Variants in SH3GL1 observed in about 807,000 individuals in gnomAD.
SH3GL1 encodes SH3 domain containing GRB2 like 1, endophilin A2, also known as endophilin-A2.
A neutral mutation model predicts 48.8 loss-of-function variants in SH3GL1; 21 were observed. The ratio of observed to expected loss-of-function variants is 0.43; its 90% confidence interval spans 0.30 to 0.62. The LOEUF (loss-of-function observed/expected upper bound fraction) is 0.62. Ranked by LOEUF, SH3GL1 falls within the 20% of genes least tolerant of loss-of-function variation. The pLI, the probability that SH3GL1 is intolerant of heterozygous loss-of-function variation, is 0.11. For synonymous variants in SH3GL1, 282 were observed against 217.5 expected, an observed-to-expected ratio of 1.30 and a Z score of -2.61; for missense variants, 454 against 503.0, an observed-to-expected ratio of 0.90 and a Z score of 0.93.
At chr19:4,399,463 A>AGAAGGAAGGAAG (rs367741466) in intron 1 of SH3GL1, among the ~76,000 whole-genome samples, 1 of 151,768 alleles carries the variant, frequency 6.6e-6, no homozygotes, top group Non-Finnish European at 1.5e-5. Context: ...AAGGAAGGAA[A>AGAAGGAAGGAAG]GAAGGAAGGA....
chr19:4,392,977 C>T (rs918493818), intron 1 of SH3GL1, among the ~76,000 whole-genome samples: 4 of 152,018 alleles, frequency 2.6e-5, no homozygotes, highest in Admixed American at 1.3e-4. Context: ...ATCATAACAA[C>T]CCGGGCGTGG....
intron 1 of SH3GL1, among the ~76,000 whole-genome samples, chr19:4,381,255 T>TGTCTCCCATCTCTCTCTGTCCCCTCTGC (rs1973120052): frequency 2.0e-5 from 1 of 49,778 alleles, no homozygotes; most frequent in Non-Finnish European, 5.0e-5. Context: ...CCTCTGCCTC[T>TGTCTCCCATCTCTCTCTGTCCCCTCTGC]CTCTGTCCCC....
intron 8 of SH3GL1, 66 bp from the exon 9 acceptor site, chr19:4,362,451 G>A: frequency 6.3e-7 from 1 of 1,578,372 alleles, no homozygotes; most frequent in Middle Eastern, 1.7e-4. Context: ...TTCTGCAGAA[G>A]GCTGGGGCCA....
chr19:4,360,581 A>G lies in SH3GL1; in HGVS notation c.*1019T>C, dbSNP rs1390809683. 3 of 232,200 alleles carry G rather than the reference A, an allele frequency of 1.3e-5. No homozygotes were observed. The highest frequency in any genetic ancestry group is 2.5e-5 in the Non-Finnish European group (3 of 117,776). 14.4% of individuals were successfully genotyped at this position (232,200 alleles called of 1,614,324 possible). A position where few individuals can be genotyped will look rare whatever the true frequency, so the allele number is the denominator to read the frequency against. Reference sequence around the variant, plus strand: ...ATGTGAATGTGGCCTGGCCCAGAGAACTCCCCATTTCATCGATTTTGCATT... The same window carrying G: ...ATGTGAATGTGGCCTGGCCCAGAGAGCTCCCCATTTCATCGATTTTGCATT... On this transcript the variant is annotated 3_prime_UTR_variant, in exon 10 of 10. Coordinates refer to ENST00000269886, the MANE Select transcript of SH3GL1 (RefSeq NM_003025.4).
chr19:4,369,727 C>T (rs765138224), intron 1 of SH3GL1, among the ~76,000 whole-genome samples: 6 of 152,250 alleles, frequency 3.9e-5, no homozygotes, highest in Admixed American at 2.6e-4. Context: ...CCTGACTCCT[C>T]GCACCCCTGA....
Position 4,363,486 on chromosome 19 carries a change from T to A in SH3GL1, c.625-13A>T. On this transcript the variant is annotated splice_polypyrimidine_tract_variant and intron_variant, in intron 6 of 9. Coordinates refer to ENST00000269886, the MANE Select transcript of SH3GL1 (RefSeq NM_003025.4). ...TCACCTGCTCGATCTGTGGGGACAG[T>A]AGGGCTCAGGGGCTCCTGCCAGTGC... The A allele has an allele frequency of 6.2e-7, 1 of 1,606,916 alleles. No individual in the cohort carries two copies. Among genetic ancestry groups the A allele is most frequent in the Non-Finnish European group, 8.5e-7 (1 of 1,175,814 alleles).
In SH3GL1 at chr19:4,367,310, C is replaced by T. The variant is rs751938791; in HGVS notation, c.46-316G>A. Among the ~76,000 whole-genome samples the T allele has an allele frequency of 1.3e-5, 2 of 152,210 alleles. No individual in the cohort carries two copies. The highest frequency in any genetic ancestry group is 2.9e-5 in the Non-Finnish European group (2 of 68,030). Reference sequence around the variant, plus strand: ...TGGGCCACGGTGGAGTCCAGAGCCTCAGCCTGAGAACACATGGCTCAGAAG... The same window carrying T: ...TGGGCCACGGTGGAGTCCAGAGCCTTAGCCTGAGAACACATGGCTCAGAAG... On this transcript the variant is annotated intron_variant, in intron 1 of 9. Coordinates refer to ENST00000269886, the MANE Select transcript of SH3GL1 (RefSeq NM_003025.4). This position sits in a 1 kb window ranked among gnomAD's most constrained non-coding sequence, Gnocchi z 4.2.
At chr19:4,363,508 G>A (rs779841962) in intron 6 of SH3GL1, 35 bp from the exon 7 acceptor site, 339 of 1,579,740 alleles carry the variant, frequency 2.1e-4, no homozygotes, top group Non-Finnish European at 2.8e-4. Flanking sequence ...GCTCCTGCCA[G>A]TGCCACTGTC....
intron 1 of SH3GL1, among the ~76,000 whole-genome samples, chr19:4,392,103 A>C (rs1299827250): frequency 6.6e-6 from 1 of 152,176 alleles, no homozygotes; most frequent in Admixed American, 6.5e-5. Context: ...TGTCCCGGGC[A>C]CAGCCTCTGA....
Position 4,361,313 on chromosome 19 carries a change from G to T in SH3GL1, c.*287C>A. On this transcript the variant is annotated 3_prime_UTR_variant, in exon 10 of 10. Transcript: ENST00000269886. Reference sequence around the variant, plus strand: ...TAGTGTTGCCCCGCCTCGGCCAGCTGGGCGAGAAGTTGGGGAGCGGGGGAG... The same window carrying T: ...TAGTGTTGCCCCGCCTCGGCCAGCTTGGCGAGAAGTTGGGGAGCGGGGGAG... 2.0e-6 allele frequency: 1 copy of T among 500,574 alleles called. No individual in the cohort carries two copies. The highest frequency in any genetic ancestry group is 3.6e-6 in the Non-Finnish European group (1 of 280,000). 31.0% of individuals were successfully genotyped at this position (500,574 alleles called of 1,614,324 possible).
At position 4,389,762 on chromosome 19, in the gene SH3GL1, A is replaced by T. The variant is rs902771213; in HGVS notation, c.45+10562T>A. Reference sequence around the variant, plus strand: ...CCAGCCAGTAAACCAAACACTGGGGATGCAGCAATGAGCACAAATGCCTGG... The same window carrying T: ...CCAGCCAGTAAACCAAACACTGGGGTTGCAGCAATGAGCACAAATGCCTGG... On this transcript the variant is annotated intron_variant, in intron 1 of 9. Transcript: ENST00000269886. This position sits in a 1 kb window ranked among gnomAD's most constrained non-coding sequence, Gnocchi z 4.5. 3.1e-4 allele frequency among the ~76,000 whole-genome samples: 47 copies of T among 152,298 alleles called. No individual in the cohort carries two copies. Among genetic ancestry groups the T allele is most frequent in the Admixed American group, 9.1e-4 (14 of 15,304 alleles).
Position 4,366,537 on chromosome 19 carries a change from G to T in SH3GL1, c.151C>A (p.Leu51Met). Residue 51 changes from leucine to methionine, a missense_variant, in exon 3 of 10, where the codon CTG becomes ATG. Around this residue, in one of 2 missense-constraint regions of SH3GL1, gnomAD observed 176 missense variants for 256.2 expected, o/e 0.69. Transcript: ENST00000269886. ...TGCAGGTACTCGATGGTCCTGGCCAGCACTTCTGTCACCGCCTTGCTGGTG... is the reference window on the plus strand; with the variant it reads ...TGCAGGTACTCGATGGTCCTGGCCATCACTTCTGTCACCGCCTTGCTGGTG... The part of the protein sequence containing the change: ...DVTSKAVTEV[L>M]ARTIEYLQPN... 6.2e-7 allele frequency: 1 copy of T among 1,612,158 alleles called. No individual in the cohort carries two copies.
intron 1 of SH3GL1, among the ~76,000 whole-genome samples, chr19:4,375,542 G>A (rs763140694): frequency 9.2e-5 from 14 of 152,192 alleles, no homozygotes; most frequent in Non-Finnish European, 5.9e-5. Flanking sequence ...TGGGACACAC[G>A]CTCCCACCCT....
intron 1 of SH3GL1, among the ~76,000 whole-genome samples, chr19:4,387,566 C>T (rs1035714671): frequency 1.3e-5 from 2 of 152,220 alleles, no homozygotes; most frequent in African/African-American, 4.8e-5. Flanking sequence ...GCTGGGATTA[C>T]AGGCAAGAAT....
intron 1 of SH3GL1, among the ~76,000 whole-genome samples, chr19:4,370,344 G>A (rs965291529): frequency 9.2e-5 from 14 of 152,192 alleles, no homozygotes; most frequent in African/African-American, 1.7e-4. Context: ...TGACAGCTCC[G>A]CACTCGAGTC....
chr19:4,372,639 C>T (rs760235672), intron 1 of SH3GL1, among the ~76,000 whole-genome samples: 8 of 152,204 alleles, frequency 5.3e-5, no homozygotes, highest in Non-Finnish European at 1.2e-4. Context: ...TCTGCAACGC[C>T]CTTCCCTGCT....
At position 4,363,373 on chromosome 19, in the gene SH3GL1, C is replaced by T. The variant is rs760818851; in HGVS notation, c.725G>A (p.Arg242His). The T allele has an allele frequency of 1.2e-5, 19 of 1,599,810 alleles. No homozygotes were observed. The highest frequency in any genetic ancestry group is 5.6e-5 in the South Asian group (5 of 88,790). Reference protein sequence around the residue: ...ILDELAEKLKRRMREASSRPK... With the variant: ...ILDELAEKLKHRMREASSRPK... The stretch of plus-strand genomic sequence containing the variant: ...GAGACCAAGGCCCTGGGCTCACCTG[C>T]GCTTGAGCTTCTCCGCCAGCTCGTC... The change falls in exon 7 of 10, where the codon CGC becomes CAC. Residue 242 changes from arginine (R) to histidine (H), a missense_variant. This residue lies in a region of SH3GL1 where 278 missense variants were observed against 246.8 expected (regional missense o/e 1.13). Transcript: ENST00000269886.
At chr19:4,384,863 G>A (rs1204082143) in intron 1 of SH3GL1, among the ~76,000 whole-genome samples, 1 of 152,202 alleles carries the variant, frequency 6.6e-6, no homozygotes, top group Non-Finnish European at 1.5e-5. Context: ...CAGCACTCTG[G>A]GAGGCCAAAG....
intron 1 of SH3GL1, among the ~76,000 whole-genome samples, chr19:4,369,141 G>A (rs910200967): frequency 6.6e-6 from 1 of 152,204 alleles, no homozygotes. Context: ...TCTGGCACAG[G>A]TGAGAAGCAG....
Sources: gnomAD v4.1 joint callset for allele counts (sites outside exome capture counted in the v4.1 genomes callset) on GRCh38, gnomAD v4.1.1 for gene constraint, gnomAD v4.1.1 regional missense constraint, Gnocchi (gnomAD v3.1) non-coding constraint, MANE v1.5 for transcripts, NCBI Gene and HGNC (gene_info 2026-07-23, HGNC 2026-07-21) for gene names.